The following PKD1 variants were observed in gnomAD, a reference collection of about 807,000 sequenced individuals.
PKD1 encodes polycystin-1.
PKD1 carries 81 observed loss-of-function variants against 361.7 expected under a neutral mutation model. The ratio of observed to expected loss-of-function variants is 0.22; its 90% CI spans 0.19 to 0.27. The LOEUF (loss-of-function observed/expected upper bound fraction) is 0.27. PKD1 is among the 10% of genes least tolerant of loss of function. The probability of loss-of-function intolerance (pLI) is 1.00; values close to 1 mark genes in which losing one functional copy is unlikely to be tolerated. For synonymous variants in PKD1, 3,615 were observed against 2,818.3 expected (o/e 1.28, Z -8.95); for missense variants, 6,399 against 6,118.3 (o/e 1.05, Z -1.53).
In PKD1 at chr16:2,109,710, G is replaced by A. The variant is rs532521117; in HGVS notation, c.5457C>T (p.Ala1819=). ...GCCCCCAAAAGGGCACAGAGGACCC[G>A]GCCGCCACGAAGCTGCCTCCGGGCT... The part of the protein sequence containing the change: ...ASEPGGSFVA[A]GSSVPFWGQL... Residue 1819 remains alanine, a synonymous_variant, in exon 15 of 46, where the codon GCC becomes GCT. Coordinates refer to ENST00000262304, the MANE Select transcript of PKD1 (RefSeq NM_001009944.3). 3.6e-5 allele frequency: 58 copies of A among 1,600,542 alleles called. No individual in the cohort carries two copies. In the African/African-American group the frequency reaches 5.1e-4, roughly 14 times the overall value.
intron 1 of PKD1, among the ~76,000 whole-genome samples, chr16:2,130,448 A>ATCCATC (rs2092858771): frequency 1.3e-5 from 2 of 151,992 alleles, no homozygotes; most frequent in South Asian, 4.2e-4. Flanking sequence ...CCTCCCCATC[A>ATCCATC]TCCATCTCTG....
At chr16:2,127,561 G>A (rs1339957391) in intron 1 of PKD1, among the ~76,000 whole-genome samples, 2 of 152,122 alleles carry the variant, frequency 1.3e-5, no homozygotes, top group East Asian at 1.9e-4. Flanking sequence ...CTGCTCTGTG[G>A]CAGGGCAGGT....
At position 2,089,448 on chromosome 16, in the gene PKD1, C is replaced by T. The variant is rs2091346814; in HGVS notation, c.*279G>A. 3.8e-6 allele frequency: 2 copies of T among 524,716 alleles called. No individual in the cohort carries two copies. Among genetic ancestry groups the T allele is most frequent in the Admixed American group, 3.3e-5 (1 of 30,186 alleles). The allele number at this position is 524,716 out of a possible 1,614,324, so 32.5% of individuals were successfully genotyped here. A position where few individuals can be genotyped will look rare whatever the true frequency, so the allele number is the denominator to read the frequency against. On this transcript the variant is annotated 3_prime_UTR_variant, in exon 46 of 46. Transcript: ENST00000262304. ...GTGGGGCCGGGCACAGCCCGCTGTA[C>T]CTGAGGACTCGGGGAAATAAATTAG...
chr16:2,101,729 G>A (rs954781064), intron 26 of PKD1, among the ~76,000 whole-genome samples: 1 of 152,292 alleles, frequency 6.6e-6, no homozygotes, highest in African/African-American at 2.4e-5. Context: ...GCCTCCGTCT[G>A]AGAGACGAGC....
intron 20 of PKD1, 35 bp from the exon 21 acceptor site, chr16:2,105,509 A>G (rs2092306483): frequency 6.3e-7 from 1 of 1,595,350 alleles, no homozygotes; most frequent in East Asian, 2.2e-5. Context: ...AGCTGTCAGC[A>G]GCGCAGGAGG....
intron 1 of PKD1, among the ~76,000 whole-genome samples, chr16:2,130,476 G>A (rs1408815566): frequency 6.6e-6 from 1 of 152,246 alleles, no homozygotes; most frequent in Non-Finnish European, 1.5e-5. Flanking sequence ...AGAATCATCT[G>A]CGTGTTGGTT....
Position 2,092,197 on chromosome 16 carries a change from C to T in PKD1, c.11270-9G>A, listed in dbSNP as rs1433347759. 6.3e-7 allele frequency: 1 copy of T among 1,587,590 alleles called. No homozygotes were observed. The highest frequency in any genetic ancestry group is 1.1e-5 in the South Asian group (1 of 88,820). ...AGGGTCTGGGTAGAGTGCTGAAACA[C>T]ACAGAGCCCCAGGCCGGGGCCAGGG... On this transcript the variant is annotated splice_polypyrimidine_tract_variant and intron_variant, in intron 39 of 45. Transcript: ENST00000262304.
chr16:2,103,669 A>G lies in PKD1; in HGVS notation c.8388T>C (p.Tyr2796=). 1 of 1,610,298 alleles carries G rather than the reference A, an allele frequency of 6.2e-7. No homozygotes were observed. The highest frequency in any genetic ancestry group is 8.5e-7 in the Non-Finnish European group (1 of 1,179,632). ...GGCAGCCAGGCCCTGGGGCGCCGCCATAGCACAGCAGGCTCCGCGGGTCCG... is the reference window on the plus strand; with the variant it reads ...GGCAGCCAGGCCCTGGGGCGCCGCCGTAGCACAGCAGGCTCCGCGGGTCCG... The part of the protein sequence containing the change: ...KRSDPRSLLC[Y]GGAPGPGCHF... The change falls in exon 23 of 46, where the codon TAT becomes TAC. Residue 2796 remains tyrosine, a synonymous_variant. Coordinates refer to ENST00000262304, the MANE Select transcript of PKD1 (RefSeq NM_001009944.3).
chr16:2,115,847 G>A (rs940726283), intron 9 of PKD1, 145 bp downstream of exon 9: 13 of 1,033,074 alleles, frequency 1.3e-5, no homozygotes, highest in Admixed American at 2.1e-5. Context: ...CCTGGAATGA[G>A]CTGGTGTCTC....
chr16:2,104,279 T>G (rs1212551480), intron 22 of PKD1, among the ~76,000 whole-genome samples: 4 of 37,534 alleles, frequency 1.1e-4, no homozygotes, highest in Admixed American at 2.8e-4. Context: ...GGGGGGGAAA[T>G]GGAGAAAAGG....
intron 1 of PKD1, among the ~76,000 whole-genome samples, chr16:2,128,409 G>T (rs968859239): frequency 1.3e-5 from 2 of 150,872 alleles, no homozygotes; most frequent in African/African-American, 4.9e-5. Flanking sequence ...GCCCCTCGGG[G>T]AGTGCAAGCA....
At chr16:2,105,774 G>A (rs1258655659) in intron 20 of PKD1, 91 bp downstream of exon 20, 3 of 1,420,980 alleles carry the variant, frequency 2.1e-6, no homozygotes, top group African/African-American at 1.4e-5. Context: ...GGCCCGGGAT[G>A]AGCCCTCTGC....
chr16:2,096,164 G>A (rs368368970), intron 34 of PKD1, among the ~76,000 whole-genome samples: 1 of 152,244 alleles, frequency 6.6e-6, no homozygotes, highest in Non-Finnish European at 1.5e-5. Flanking sequence ...GCGTCATTAG[G>A]TAATTCTGTT....
At position 2,100,065 on chromosome 16, in the gene PKD1, G is replaced by A; in HGVS notation, c.9719C>T (p.Ala3240Val). The A allele has an allele frequency of 1.3e-6, 2 of 1,599,792 alleles. No homozygotes were observed. Among genetic ancestry groups the A allele is most frequent in the Non-Finnish European group, 1.7e-6 (2 of 1,174,660 alleles). ...VEKEVLAASDAALLRFRRLLV... is the reference protein window; with the variant it reads ...VEKEVLAASDVALLRFRRLLV... Reference sequence around the variant, plus strand: ...CAGGCGCCGGAAGCGCAAAAGGGCTGCGTCGCCTAGAAGGCAGGGAGGGCC... The same window carrying A: ...CAGGCGCCGGAAGCGCAAAAGGGCTACGTCGCCTAGAAGGCAGGGAGGGCC... The change falls in exon 29 of 46, where the codon GCA (alanine) becomes GTA (valine). Residue 3240 changes from alanine to valine, a missense_variant. Transcript: ENST00000262304. This position sits in a 1 kb window ranked among gnomAD's most constrained non-coding sequence, Gnocchi z 4.4.
intron 30 of PKD1, 182 bp from the exon 31 acceptor site, chr16:2,098,166 G>C (rs1451206817): frequency 5.0e-6 from 3 of 605,272 alleles, no homozygotes; most frequent in Non-Finnish European, 8.9e-6. Context: ...GTGTGCCACT[G>C]AACACTTGAC....
chr16:2,114,351 T>G lies in PKD1; in HGVS notation c.2672A>C (p.Asp891Ala). 1 of 1,610,292 alleles carries G rather than the reference T, an allele frequency of 6.2e-7. No homozygotes were observed. ...CAGTGCTACCACTGAGAACAGGGTA[T>G]CGTTGGTCTCCCAGGGGCAGCCGGG... ...FVPGCPWETN[D>A]TLFSVVALPW... The change falls in exon 11 of 46, where the codon GAT (aspartate) becomes GCT (alanine). Residue 891 changes from aspartate to alanine, a missense_variant. Physicochemically the swap from Asp to Ala is moderately radical, Grantham distance 126. Transcript: ENST00000262304.
chr16:2,107,039 C>T, intron 16 of PKD1, 91 bp from the exon 17 acceptor site: 1 of 1,239,492 alleles, frequency 8.1e-7, no homozygotes, highest in Non-Finnish European at 1.2e-6. Flanking sequence ...TCCCAAACTC[C>T]AGGTTTCCCA....
chr16:2,096,004 G>C (rs1378661398), intron 34 of PKD1, among the ~76,000 whole-genome samples: 3 of 152,178 alleles, frequency 2.0e-5, no homozygotes, highest in Non-Finnish European at 4.4e-5. Context: ...TTTCCTTTTT[G>C]TTTGAGTCCA....
chr16:2,117,663 G>T lies in PKD1; in HGVS notation c.1211C>A (p.Pro404Gln). ...LGEEPARAVH[P>Q]LCPSDTEIFP... ...GATCTCCGTGTCCGAGGGGCAGAGC[G>T]GGTGCACCGCTGGAGACCGGTGGGA... is the stretch of plus-strand genomic sequence containing the variant. The change falls in exon 6 of 46, where the codon CCG (proline) becomes CAG (glutamine). Residue 404 changes from proline (P) to glutamine (Q), a missense_variant. Physicochemically the swap from Pro to Gln is moderately conservative, Grantham distance 76. Transcript: ENST00000262304. 6.2e-7 allele frequency: 1 copy of T among 1,609,958 alleles called. No homozygotes were observed. Among genetic ancestry groups the T allele is most frequent in the Non-Finnish European group, 8.5e-7 (1 of 1,179,168 alleles).
Sources: allele counts gnomAD v4.1 joint callset (sites outside exome capture counted in the v4.1 genomes callset), GRCh38; gene constraint gnomAD v4.1.1; non-coding constraint Gnocchi (gnomAD v3.1); transcripts MANE v1.5; gene names NCBI Gene and HGNC (gene_info 2026-07-23, HGNC 2026-07-21).